DYNC2LI1: variants seen among roughly 807,000 people sequenced by gnomAD.
The protein encoded by DYNC2LI1 is cytoplasmic dynein 2 light intermediate chain 1.
DYNC2LI1 carries 45 observed loss-of-function variants against 51.9 expected under a neutral mutation model. The observed-to-expected ratio is 0.87, with a 90% confidence interval of 0.68 to 1.11. The LOEUF is 1.11. Ranked by LOEUF, DYNC2LI1 falls within the 50% of genes most tolerant of loss-of-function variation. The pLI is 0.00. For missense variants in DYNC2LI1, 490 were observed against 417.4 expected, an observed-to-expected ratio of 1.17 and a Z score of -1.51; for synonymous variants, 130 against 137.8, an observed-to-expected ratio of 0.94 and a Z score of 0.40.
chr2:43,774,730 C>G (rs889729343), intron 1 of DYNC2LI1, among the ~76,000 whole-genome samples: 3 of 152,178 alleles, frequency 2.0e-5, no homozygotes, highest in Non-Finnish European at 4.4e-5. Context: ...CAGGATAAAT[C>G]TTTTTCTCTC....
chr2:43,810,763 G>C (rs1045773392), downstream of DYNC2LI1, among the ~76,000 whole-genome samples: 8 of 152,168 alleles, frequency 5.3e-5, no homozygotes, highest in East Asian at 1.5e-3. Context: ...AGGAACCTCA[G>C]TCTTTAGCAC....
Position 43,794,457 on chromosome 2 carries a change from G to A in DYNC2LI1, c.321G>A (p.Arg107=). The change falls in exon 6 of 13, where the codon CGG becomes CGA. Residue 107 remains arginine, a splice_region_variant and synonymous_variant. Coordinates refer to ENST00000260605, the MANE Select transcript of DYNC2LI1 (RefSeq NM_016008.4). The part of the protein sequence containing the change: ...ISIPITGDTL[R]TFSLVLVLDL... ...TTGAAAAGTGTTTTTATTTCTTTAG[G>A]ACGTTTTCTCTTGTTCTCGTTCTGG... 1.9e-6 allele frequency: 3 copies of A among 1,601,492 alleles called. No individual in the cohort carries two copies.
downstream of DYNC2LI1, chr2:43,810,525 G>A (rs1666445104): frequency 1.0e-6 from 1 of 984,660 alleles, no homozygotes; most frequent in Non-Finnish European, 1.2e-6. Context: ...TTCATTTTGA[G>A]TAAGTATAAT....
downstream of DYNC2LI1, chr2:43,812,999 T>G: frequency 1.4e-6 from 1 of 710,664 alleles, no homozygotes; most frequent in Non-Finnish European, 2.6e-6. Context: ...GTCTTAATGG[T>G]TAAAAGACTT....
At position 43,809,242 on chromosome 2, in the gene DYNC2LI1, C is replaced by G. The variant is rs184874120; in HGVS notation, c.994-463C>G. The stretch of plus-strand genomic sequence containing the variant: ...CCTGGGCTCAAGCAATTCTCCTGCC[C>G]CAGCCTCCCAAAGTGCTGGGACTAT... On this transcript the variant is annotated intron_variant, in intron 12 of 12. Transcript: ENST00000260605. Among the ~76,000 whole-genome samples, 457 of 152,188 alleles carry G rather than the reference C, an allele frequency of 3.0e-3. 3 individuals carry two copies. Among genetic ancestry groups the G allele is most frequent in the Middle Eastern group, 6.8e-3 (2 of 294 alleles).
the DYNC2LI1 span, among the ~76,000 whole-genome samples, chr2:43,816,982 C>G: frequency 1.3e-5 from 2 of 152,134 alleles, no homozygotes; most frequent in African/African-American, 4.8e-5. Context: ...AGGGAGCCAA[C>G]AGCACAAATG....
downstream of DYNC2LI1, chr2:43,813,130 G>C: frequency 7.8e-7 from 1 of 1,285,042 alleles, no homozygotes; most frequent in Non-Finnish European, 1.1e-6. Flanking sequence ...CTGCTAATGA[G>C]ATGATCCCTT....
At chr2:43,778,256 C>G (rs1033239735) in intron 2 of DYNC2LI1, among the ~76,000 whole-genome samples, 1 of 152,152 alleles carries the variant, frequency 6.6e-6, no homozygotes, top group African/African-American at 2.4e-5. Context: ...CTTGACTTCC[C>G]TGGCTCGGGT....
At chr2:43,795,276 CGGGCG>C in intron 6 of DYNC2LI1, 1 of 795,466 alleles carries the variant, frequency 1.3e-6, no homozygotes, top group Non-Finnish European at 1.5e-6. Flanking sequence ...GTGGCCGAGG[CGGGCG>C]GATCACGACG....
At chr2:43,819,508 A>C in the DYNC2LI1 span, among the ~76,000 whole-genome samples, 1 of 150,002 alleles carries the variant, frequency 6.7e-6, no homozygotes, top group African/African-American at 2.4e-5. Context: ...GACTAGTCTT[A>C]ATTCCTAAGA....
chr2:43,822,768 G>A, the DYNC2LI1 span: 110 of 1,613,972 alleles, frequency 6.8e-5, no homozygotes, highest in Middle Eastern at 1.6e-4. Context: ...ATGGGAGCCC[G>A]GCCCTGGGTG....
chr2:43,781,505 C>G (rs1338995339), intron 2 of DYNC2LI1: 2 of 151,832 alleles, frequency 1.3e-5, no homozygotes, highest in African/African-American at 2.4e-5. Context: ...GAGTACATTA[C>G]TTTTTGGGTA....
rs561380332 is a variant in DYNC2LI1, at chr2:43,807,904, A to G, written c.994-1801A>G. Among the ~76,000 whole-genome samples, 11 of 152,230 alleles carry G rather than the reference A, an allele frequency of 7.2e-5. No individual in the cohort carries two copies. The South Asian group carries it at 2.3e-3, about 32-fold the overall frequency. On this transcript the variant is annotated intron_variant, in intron 12 of 12. Coordinates refer to ENST00000260605, the MANE Select transcript of DYNC2LI1 (RefSeq NM_016008.4). Reference sequence around the variant, plus strand: ...CGTATCATTGTCATGTTGAAGATCTAGTGGACTTGGTGGTTTTTGTCTCAT... The same window carrying G: ...CGTATCATTGTCATGTTGAAGATCTGGTGGACTTGGTGGTTTTTGTCTCAT...
At chr2:43,824,965 C>T in the DYNC2LI1 span, 34 of 1,613,830 alleles carry the variant, frequency 2.1e-5, no homozygotes, top group Admixed American at 2.7e-4. Context: ...TTTCCGCTGG[C>T]GTGCCACAGA....
At chr2:43,828,019 G>T in the DYNC2LI1 span, 3 of 1,613,980 alleles carry the variant, frequency 1.9e-6, no homozygotes, top group Non-Finnish European at 2.5e-6. Flanking sequence ...ATGGAGACCC[G>T]GCGCCGCTCA....
At chr2:43,779,728 G>C (rs981749430) in intron 2 of DYNC2LI1, among the ~76,000 whole-genome samples, 11 of 152,198 alleles carry the variant, frequency 7.2e-5, no homozygotes, top group Admixed American at 5.9e-4. Context: ...ATTCTAAGAT[G>C]ATCAAGAAAA....
intron 11 of DYNC2LI1, among the ~76,000 whole-genome samples, 167 bp downstream of exon 11, chr2:43,804,906 A>G (rs971277866): frequency 1.3e-5 from 2 of 152,072 alleles, no homozygotes; most frequent in Admixed American, 6.6e-5. Flanking sequence ...GTTAAAAAAA[A>G]AAAAAGGTAA....
chr2:43,789,096 G>C (rs1223407759), intron 4 of DYNC2LI1, among the ~76,000 whole-genome samples: 1 of 152,208 alleles, frequency 6.6e-6, no homozygotes, highest in Non-Finnish European at 1.5e-5. Flanking sequence ...CAGGAATCAG[G>C]AACAAATCGT....
At chr2:43,819,793 G>T in the DYNC2LI1 span, 2 of 1,050,446 alleles carry the variant, frequency 1.9e-6, no homozygotes, top group South Asian at 2.7e-5. Flanking sequence ...AAATGCTCTA[G>T]ACTATAAGGT....
Sources: gnomAD v4.1 joint callset for allele counts (sites outside exome capture counted in the v4.1 genomes callset) on GRCh38, gnomAD v4.1.1 for gene constraint, MANE v1.5 for transcripts, NCBI Gene and HGNC (gene_info 2026-07-23, HGNC 2026-07-21) for gene names.